The following IMPDH1 variants were observed in gnomAD, a reference collection of about 807,000 sequenced individuals.
The protein encoded by IMPDH1 is inosine-5'-monophosphate dehydrogenase 1.
IMPDH1 carries 41 observed loss-of-function variants against 73.5 expected under a neutral mutation model. That is an observed-to-expected ratio of 0.56 (90% CI 0.43 to 0.72). IMPDH1 has a LOEUF of 0.72. IMPDH1 is among the 30% of genes least tolerant of loss of function. The pLI is 0.00. For synonymous variants in IMPDH1, 318 were observed against 334.3 expected (o/e 0.95, Z 0.53); for missense variants, 645 against 824.8 (o/e 0.78, Z 2.67).
chr7:128,404,633 G>A (rs533424535), intron 4 of IMPDH1, among the ~76,000 whole-genome samples: 1 of 152,060 alleles, frequency 6.6e-6, no homozygotes. Flanking sequence ...GTGGAGGGGG[G>A]TGGGTCATTA....
Position 128,398,681 on chromosome 7 carries a change from G to T in IMPDH1, c.875-68C>A. On this transcript the variant is annotated intron_variant, in intron 9 of 16. Transcript: ENST00000338791. This position sits in a 1 kb window ranked among gnomAD's most constrained non-coding sequence, Gnocchi z 4.3. ...GAGAAGTTTGGGAGATGTTTAGGAGGGTGAAGATGAAAGTGGACCACTCCA... is the reference window on the plus strand; with the variant it reads ...GAGAAGTTTGGGAGATGTTTAGGAGTGTGAAGATGAAAGTGGACCACTCCA... 7.4e-7 allele frequency: 1 copy of T among 1,343,708 alleles called. No individual in the cohort carries two copies. The highest frequency in any genetic ancestry group is 1.1e-6 in the Non-Finnish European group (1 of 941,452). 83.2% of individuals were successfully genotyped at this position (1,343,708 alleles called of 1,614,324 possible).
chr7:128,401,801 G>A (rs569418456), intron 5 of IMPDH1, among the ~76,000 whole-genome samples: 2 of 152,312 alleles, frequency 1.3e-5, no homozygotes, highest in East Asian at 1.9e-4. Context: ...GAGCTCAGGA[G>A]AGTGGTCAGG....
intron 7 of IMPDH1, 98 bp downstream of exon 7, chr7:128,400,719 G>A (rs1798271769): frequency 1.6e-6 from 2 of 1,215,050 alleles, no homozygotes; most frequent in Admixed American, 3.4e-5. Flanking sequence ...AGGACACGCA[G>A]GGAGTGTAGC....
rs910446320 is a variant in IMPDH1 at position 128,398,286 on chromosome 7, CAGAA to C, written c.1074+124_1074+127del. The C allele has an allele frequency of 1.3e-5, 10 of 740,806 alleles. No homozygotes were observed. The highest frequency in any genetic ancestry group is 6.9e-5 in the South Asian group (4 of 58,122). The allele number at this position is 740,806 out of a possible 1,614,324, so 45.9% of individuals were successfully genotyped here. ...CCTAATTCTGACACCAGGGAGCACT[CAGAA>C]AGAGAGAGGAAGAGTAGCAAGGGAG... On this transcript the variant is annotated intron_variant, in intron 10 of 16. Transcript: ENST00000338791. The surrounding 1 kb of genome is among the most constrained non-coding windows in gnomAD (Gnocchi z 4.3).
intron 4 of IMPDH1, among the ~76,000 whole-genome samples, chr7:128,404,127 A>G (rs76606532): frequency 0.013 from 2,022 of 152,354 alleles, 47 homozygotes; most frequent in African/African-American, 0.046. Context: ...ATGGGGAGAG[A>G]AAATAAGTAA....
chr7:128,406,126 C>T (rs1346040636), intron 3 of IMPDH1, among the ~76,000 whole-genome samples: 1 of 150,268 alleles, frequency 6.7e-6, no homozygotes, highest in Non-Finnish European at 1.5e-5. Context: ...TCAGCCGCGC[C>T]GCGCGCACGC....
At chr7:128,405,729 G>T in intron 4 of IMPDH1, 38 bp downstream of exon 4, 2 of 1,519,482 alleles carry the variant, frequency 1.3e-6, no homozygotes. Context: ...CGCGGCGCGT[G>T]GATGCGCGCA....
chr7:128,400,896 T>G lies in IMPDH1; in HGVS notation c.505-5A>C, dbSNP rs1299869403. The G allele has an allele frequency of 6.2e-7, 1 of 1,612,330 alleles. No homozygotes were observed. Among genetic ancestry groups the G allele is most frequent in the Non-Finnish European group, 8.5e-7 (1 of 1,178,490 alleles). ...GAAACCAATACCTCCCATCAGCTGA[T>G]GTAGAAGGGAAGTGTGGTCAGAGCC... On this transcript the variant is annotated splice_region_variant and splice_polypyrimidine_tract_variant and intron_variant, in intron 6 of 16. Coordinates refer to ENST00000338791, the MANE Select transcript of IMPDH1 (RefSeq NM_000883.4).
intron 4 of IMPDH1, among the ~76,000 whole-genome samples, chr7:128,405,168 C>A (rs1327657408): frequency 6.6e-6 from 1 of 152,226 alleles, no homozygotes; most frequent in Non-Finnish European, 1.5e-5. Flanking sequence ...CAGAGGCAGA[C>A]GGGTGGGTCT....
In IMPDH1 at chr7:128,392,988, T is replaced by C; in HGVS notation, c.*19A>G. 6.2e-7 allele frequency: 1 copy of C among 1,613,416 alleles called. No homozygotes were observed. Among genetic ancestry groups the C allele is most frequent in the Non-Finnish European group, 8.5e-7 (1 of 1,179,590 alleles). ...ACTGGGGTGCATCCCCTCCACCACC[T>C]CGGCCTCCACCGCTGTCCTCAGTAC... On this transcript the variant is annotated 3_prime_UTR_variant, in exon 17 of 17. Coordinates refer to ENST00000338791, the MANE Select transcript of IMPDH1 (RefSeq NM_000883.4).
At chr7:128,404,802 T>C (rs1798592156) in intron 4 of IMPDH1, among the ~76,000 whole-genome samples, 1 of 152,166 alleles carries the variant, frequency 6.6e-6, no homozygotes. Flanking sequence ...TGGCAGCCCT[T>C]CTTCTGTATA....
chr7:128,405,992 G>GC, intron 3 of IMPDH1, 127 bp from the exon 4 acceptor site: 1 of 621,370 alleles, frequency 1.6e-6, no homozygotes, highest in Non-Finnish European at 2.0e-6. Context: ...GGCGGGCCGG[G>GC]GGCGGGGGCG....
chr7:128,399,127 G>A (rs1314093134), intron 9 of IMPDH1, among the ~76,000 whole-genome samples: 1 of 152,220 alleles, frequency 6.6e-6, no homozygotes, highest in African/African-American at 2.4e-5. Flanking sequence ...ACTTTGGGAG[G>A]CCGAGGCAGG....
intron 7 of IMPDH1, 92 bp downstream of exon 7, chr7:128,400,725 G>A (rs550892858): frequency 3.2e-5 from 40 of 1,236,012 alleles, no homozygotes; most frequent in Non-Finnish European, 4.4e-5. Context: ...CGCAGGGAGT[G>A]TAGCAGTGCA....
In IMPDH1 at chr7:128,398,610, T is replaced by C. The variant is rs777243227; in HGVS notation, c.878A>G (p.Lys293Arg). The change falls in exon 10 of 17, where the codon AAG becomes AGG. Residue 293 changes from lysine to arginine, a missense_variant. This residue lies in a region of IMPDH1 where 459 missense variants were observed against 638.2 expected (regional missense o/e 0.72). Coordinates refer to ENST00000338791, the MANE Select transcript of IMPDH1 (RefSeq NM_000883.4). This position sits in a 1 kb window ranked among gnomAD's most constrained non-coding sequence, Gnocchi z 4.3. Reference sequence around the variant, plus strand: ...ATCGCAATCATTGACGATAGGCAGCTTCCCTGACAAGGAATGCAGGGGTGA... The same window carrying C: ...ATCGCAATCATTGACGATAGGCAGCCTCCCTGACAAGGAATGCAGGGGTGA... ...NEILQRSKKG[K>R]LPIVNDCDEL... 3.1e-6 allele frequency: 5 copies of C among 1,612,728 alleles called. No individual in the cohort carries two copies. In the South Asian group the frequency reaches 5.5e-5, roughly 18 times the overall value.
intron 3 of IMPDH1, among the ~76,000 whole-genome samples, chr7:128,408,600 G>A (rs888348612): frequency 6.6e-6 from 1 of 152,110 alleles, no homozygotes; most frequent in African/African-American, 2.4e-5. Context: ...GGTAGGGATG[G>A]CCCCTTGATG....
At chr7:128,403,414 G>A (rs374809218) in intron 5 of IMPDH1, among the ~76,000 whole-genome samples, 4 of 152,026 alleles carry the variant, frequency 2.6e-5, no homozygotes, top group Admixed American at 6.6e-5. Flanking sequence ...AAAAATTATC[G>A]GGGGGTTTTG....
rs1437031280 is a variant in IMPDH1 at position 128,395,015 on chromosome 7, A to G, written c.1424T>C (p.Leu475Pro). ...GASTVMMGSL[L>P]AATTEAPGEY... The stretch of plus-strand genomic sequence containing the variant: ...GCCAGGGGCCTCCGTAGTGGCGGCC[A>G]GCAGGGAGCCCATCATCACTACAGT... The change falls in exon 14 of 17, where the codon CTG becomes CCG. Residue 475 changes from leucine (L) to proline (P), a missense_variant. By Grantham distance (98) the Leu-to-Pro change is moderately conservative. Coordinates refer to ENST00000338791, the MANE Select transcript of IMPDH1 (RefSeq NM_000883.4). 1.2e-6 allele frequency: 2 copies of G among 1,614,004 alleles called. No individual in the cohort carries two copies. The highest frequency in any genetic ancestry group is 1.7e-6 in the Non-Finnish European group (2 of 1,180,028).
At chr7:128,395,083 C>A (rs756261285) in intron 13 of IMPDH1, 48 bp downstream of exon 13, 12 of 1,613,544 alleles carry the variant, frequency 7.4e-6, no homozygotes, top group Non-Finnish European at 1.0e-5. Flanking sequence ...GCCACCCCCC[C>A]AGCTTCCAGC....
Sources: allele counts gnomAD v4.1 joint callset (sites outside exome capture counted in the v4.1 genomes callset), GRCh38; gene constraint gnomAD v4.1.1; regional missense constraint gnomAD v4.1.1; non-coding constraint Gnocchi (gnomAD v3.1); transcripts MANE v1.5; gene names NCBI Gene and HGNC (gene_info 2026-07-23, HGNC 2026-07-21).